The following MEGF11 variants were observed in gnomAD, a reference collection of about 807,000 sequenced individuals.
The protein encoded by MEGF11 is multiple EGF like domains 11, also known as multiple epidermal growth factor-like domains protein 11.
Under a neutral mutation model 146.6 loss-of-function variants are expected in MEGF11, and 126 were observed. The ratio of observed to expected loss-of-function variants is 0.86; its 90% CI spans 0.74 to 1.00. The LOEUF (loss-of-function observed/expected upper bound fraction) is 1.00. Among genes scored for constraint, MEGF11 ranks in the 50% least tolerant of loss-of-function variants. The pLI, the probability that MEGF11 is intolerant of heterozygous loss-of-function variation, is 0.00. For synonymous variants in MEGF11, 532 were observed against 583.4 expected (o/e 0.91, Z 1.27); for missense variants, 1,509 against 1,521.2 (o/e 0.99, Z 0.13).
At chr15:66,080,864 C>T (rs890706445) in intron 5 of MEGF11, among the ~76,000 whole-genome samples, 2 of 152,218 alleles carry the variant, frequency 1.3e-5, no homozygotes, top group Non-Finnish European at 2.9e-5. Context: ...CACCAGATGC[C>T]GGCAGAAGGC....
At chr15:66,160,798 G>C (rs532594364) in intron 1 of MEGF11, among the ~76,000 whole-genome samples, 1 of 152,076 alleles carries the variant, frequency 6.6e-6, no homozygotes, top group Non-Finnish European at 1.5e-5. Flanking sequence ...TGATGTATCT[G>C]TTATGTGGTG....
intron 5 of MEGF11, among the ~76,000 whole-genome samples, chr15:66,081,118 G>A (rs2085836096): frequency 6.6e-6 from 1 of 152,178 alleles, no homozygotes; most frequent in Admixed American, 6.5e-5. Flanking sequence ...CCCACCTGGA[G>A]GGGGCGAGGA....
chr15:65,930,222 C>T (rs2079524898), intron 11 of MEGF11, among the ~76,000 whole-genome samples: 1 of 152,142 alleles, frequency 6.6e-6, no homozygotes, highest in African/African-American at 2.4e-5. Context: ...ACGTCTGATT[C>T]TCCATTCTTA....
At chr15:66,020,442 A>G (rs2083071527) in intron 5 of MEGF11, among the ~76,000 whole-genome samples, 1 of 152,196 alleles carries the variant, frequency 6.6e-6, no homozygotes, top group Non-Finnish European at 1.5e-5. Flanking sequence ...GGCCTGAAGC[A>G]ACATCCACCT....
At chr15:66,237,452 TC>T (rs1266533498) in intron 1 of MEGF11, among the ~76,000 whole-genome samples, 1 of 152,134 alleles carries the variant, frequency 6.6e-6, no homozygotes, top group African/African-American at 2.4e-5. Context: ...TATCTCTAAT[TC>T]TCAAATACTC....
chr15:66,097,574 G>C (rs911464998), intron 4 of MEGF11, among the ~76,000 whole-genome samples: 1 of 152,024 alleles, frequency 6.6e-6, no homozygotes, highest in Non-Finnish European at 1.5e-5. Context: ...ATCTGCTGTC[G>C]TGGACAGGGC....
chr15:66,199,692 G>A (rs1013868445), intron 1 of MEGF11, among the ~76,000 whole-genome samples: 9 of 152,300 alleles, frequency 5.9e-5, no homozygotes, highest in African/African-American at 2.2e-4. Flanking sequence ...GGGAGGCTGA[G>A]GCAGGAGGAT....
chr15:65,917,183 T>G (rs1008665254), intron 16 of MEGF11, among the ~76,000 whole-genome samples: 6 of 152,124 alleles, frequency 3.9e-5, no homozygotes, highest in Admixed American at 2.0e-4. Context: ...ACTCTCCAAG[T>G]CTTTGATGAC....
At chr15:66,165,477 G>C (rs1159557960) in intron 1 of MEGF11, among the ~76,000 whole-genome samples, 1 of 152,148 alleles carries the variant, frequency 6.6e-6, no homozygotes, top group African/African-American at 2.4e-5. Flanking sequence ...GCACAGAAGA[G>C]AGAAAGGAAC....
intron 5 of MEGF11, among the ~76,000 whole-genome samples, chr15:66,072,507 T>C (rs939927763): frequency 2.0e-5 from 3 of 152,232 alleles, no homozygotes; most frequent in Admixed American, 6.5e-5. Flanking sequence ...CATGAAAGCA[T>C]GCACCTTCTC....
rs375699471 is a variant in MEGF11 at position 65,947,835 on chromosome 15, C to T, written c.1287+9712G>A. On this transcript the variant is annotated intron_variant, in intron 10 of 25. Transcript: ENST00000395614. ...TTCTTTTGCTGCACAGAGATTGCTG[C>T]GGCCACTAGGCCTGAGACAAAGCCC... 8.5e-5 allele frequency among the ~76,000 whole-genome samples: 13 copies of T among 152,296 alleles called. No homozygotes were observed. In the South Asian group the frequency reaches 1.7e-3, roughly 19 times the overall value.
chr15:66,146,379 C>T (rs574701590), intron 1 of MEGF11, among the ~76,000 whole-genome samples: 3 of 152,326 alleles, frequency 2.0e-5, no homozygotes, highest in South Asian at 2.1e-4. Context: ...TTCTTCTAGA[C>T]AACAGTGTCA....
At chr15:66,186,312 C>T (rs2090700478) in intron 1 of MEGF11, among the ~76,000 whole-genome samples, 1 of 152,152 alleles carries the variant, frequency 6.6e-6, no homozygotes, top group African/African-American at 2.4e-5. Flanking sequence ...TGGAGCTGGG[C>T]AGCCAGCAGT....
intron 1 of MEGF11, among the ~76,000 whole-genome samples, chr15:66,173,734 G>C (rs1180324379): frequency 6.6e-6 from 1 of 152,130 alleles, no homozygotes; most frequent in Non-Finnish European, 1.5e-5. Context: ...AGGTCGACAG[G>C]GACAACTCCG....
In MEGF11 at chr15:65,982,495, G is replaced by T; in HGVS notation, c.395-7C>A. ...CAGTGGTCGCTGTCGCAGCCTGCAA[G>T]AGACGGGACAGTCAGGGATCAGGAG... On this transcript the variant is annotated splice_region_variant and splice_polypyrimidine_tract_variant and intron_variant, in intron 5 of 25. Transcript: ENST00000395614. This position sits in a 1 kb window ranked among gnomAD's most constrained non-coding sequence, Gnocchi z 5.6. 6.8e-7 allele frequency: 1 copy of T among 1,472,556 alleles called. No individual in the cohort carries two copies. The allele number at this position is 1,472,556 out of a possible 1,614,324, so 91.2% of individuals were successfully genotyped here.
rs141364238 is a variant in MEGF11 at position 66,021,490 on chromosome 15, G to A, written c.395-39002C>T. Reference sequence around the variant, plus strand: ...AAACAAAATAAAACAAACCAAAAAAGTCAATAATGCTGTCCTGAAGGTGAA... The same window carrying A: ...AAACAAAATAAAACAAACCAAAAAAATCAATAATGCTGTCCTGAAGGTGAA... On this transcript the variant is annotated intron_variant, in intron 5 of 25. Transcript: ENST00000395614. Among the ~76,000 whole-genome samples the A allele has an allele frequency of 6.3e-3, 956 of 152,314 alleles. 16 individuals carry two copies. Among genetic ancestry groups the A allele is most frequent in the African/African-American group, 0.022 (903 of 41,562 alleles).
chr15:66,031,944 C>T (rs770362961), intron 5 of MEGF11, among the ~76,000 whole-genome samples: 30 of 152,306 alleles, frequency 2.0e-4, no homozygotes, highest in Non-Finnish European at 3.2e-4. Context: ...AGCAGGTGAG[C>T]GAGCATTACT....
intron 5 of MEGF11, among the ~76,000 whole-genome samples, chr15:66,000,509 G>A (rs2082334015): frequency 6.6e-6 from 1 of 151,734 alleles, no homozygotes; most frequent in Non-Finnish European, 1.5e-5. Context: ...TCCAGCCTGG[G>A]TGACAGAGAG....
Position 65,957,730 on chromosome 15 carries a change from A to ATG in MEGF11, c.1113-11_1113-10dup. On this transcript the variant is annotated splice_polypyrimidine_tract_variant and intron_variant, in intron 9 of 25. Coordinates refer to ENST00000395614, the MANE Select transcript of MEGF11 (RefSeq NM_001385028.1). The stretch of plus-strand genomic sequence containing the variant: ...CAGTTACTGGGTGGCAGCTGCACAG[A>ATG]TGAGAGAAGGGTGAGAAGACAGCTT... The ATG allele has an allele frequency of 1.2e-6, 2 of 1,613,410 alleles. No individual in the cohort carries two copies. The highest frequency in any genetic ancestry group is 1.7e-6 in the Non-Finnish European group (2 of 1,179,786).
Sources: gnomAD v4.1 joint callset for allele counts (sites outside exome capture counted in the v4.1 genomes callset) on GRCh38, gnomAD v4.1.1 for gene constraint, Gnocchi (gnomAD v3.1) non-coding constraint, MANE v1.5 for transcripts, NCBI Gene and HGNC (gene_info 2026-07-23, HGNC 2026-07-21) for gene names.